Variants in HTR5A observed in about 807,000 individuals in gnomAD.
The protein encoded by HTR5A is 5-hydroxytryptamine receptor 5A.
HTR5A carries 21 observed loss-of-function variants against 24.3 expected under a neutral mutation model. That is an observed-to-expected ratio of 0.86 (90% CI 0.61 to 1.24). The LOEUF is 1.24. HTR5A is among the 50% of genes most tolerant of loss of function. The pLI, the probability that HTR5A is intolerant of heterozygous loss-of-function variation, is 0.00. For missense variants in HTR5A, 497 were observed against 489.5 expected, an observed-to-expected ratio of 1.02 and a Z score of -0.15; for synonymous variants, 260 against 213.7, an observed-to-expected ratio of 1.22 and a Z score of -1.89.
intron 1 of HTR5A, among the ~76,000 whole-genome samples, chr7:155,073,899 A>ATATGTATATATATACG (rs1563419668): frequency 1.3e-4 from 2 of 15,402 alleles, no homozygotes; most frequent in African/African-American, 1.5e-4. Flanking sequence ...GTATATATAT[A>ATATGTATATATATACG]TATATATATA....
At position 155,085,577 on chromosome 7, in the gene HTR5A, T is replaced by C. The variant is rs1795468127; in HGVS notation, c.*1090T>C. 1 of 152,106 alleles carries C rather than the reference T, an allele frequency of 6.6e-6. No homozygotes were observed. Among genetic ancestry groups the C allele is most frequent in the Non-Finnish European group, 1.5e-5 (1 of 68,016 alleles). 9.4% of individuals were successfully genotyped at this position (152,106 alleles called of 1,614,324 possible). ...GCCCCAGTCCTCTACAAATTGACAGTATAATTTATGAGGTGAGGCAGTTAA... is the reference window on the plus strand; with the variant it reads ...GCCCCAGTCCTCTACAAATTGACAGCATAATTTATGAGGTGAGGCAGTTAA... On this transcript the variant is annotated 3_prime_UTR_variant, in exon 2 of 2. Transcript: ENST00000287907.
Position 155,070,723 on chromosome 7 carries a change from A to T in HTR5A, c.-177A>T, listed in dbSNP as rs1795279223. The stretch of plus-strand genomic sequence containing the variant: ...GACCTGCCGCGCTTGCAGCCACACC[A>T]TCTCCAACGGATGCTCACTAGCAGG... On this transcript the variant is annotated 5_prime_UTR_variant, in exon 1 of 2. Coordinates refer to ENST00000287907, the MANE Select transcript of HTR5A (RefSeq NM_024012.4). 3 of 684,832 alleles carry T rather than the reference A, an allele frequency of 4.4e-6. No homozygotes were observed. The highest frequency in any genetic ancestry group is 7.5e-6 in the Non-Finnish European group (3 of 402,218). The allele number at this position is 684,832 out of a possible 1,614,324, so 42.4% of individuals were successfully genotyped here. A position where few individuals can be genotyped will look rare whatever the true frequency, so the allele number is the denominator to read the frequency against.
intron 1 of HTR5A, among the ~76,000 whole-genome samples, chr7:155,080,564 G>T (rs1016305058): frequency 6.6e-6 from 1 of 152,192 alleles, no homozygotes. Flanking sequence ...GTCCAGGGGC[G>T]ATGCCACTAC....
intron 1 of HTR5A, chr7:155,074,891 T>C (rs866214405): frequency 4.6e-5 from 7 of 152,180 alleles, no homozygotes; most frequent in African/African-American, 1.7e-4. Flanking sequence ...GATACGTAGA[T>C]GAATAGCATG....
Position 155,084,466 on chromosome 7 carries a change from C to T in HTR5A, c.1053C>T (p.Asn351=). 2 of 1,612,540 alleles carry T rather than the reference C, an allele frequency of 1.2e-6. No homozygotes were observed. Among genetic ancestry groups the T allele is most frequent in the Non-Finnish European group, 1.7e-6 (2 of 1,178,886 alleles). Residue 351 remains asparagine (N), a synonymous_variant, in exon 2 of 2, where the codon AAC becomes AAT. Coordinates refer to ENST00000287907, the MANE Select transcript of HTR5A (RefSeq NM_024012.4). ...FNKNYNSAFK[N]FFSRQH ...AGAACTACAACAGCGCCTTCAAGAA[C>T]TTCTTTTCTAGGCAACACTGAGGGA...
chr7:155,072,845 A>G (rs1193303490), intron 1 of HTR5A, among the ~76,000 whole-genome samples: 1 of 152,164 alleles, frequency 6.6e-6, no homozygotes, highest in Non-Finnish European at 1.5e-5. Flanking sequence ...ATCCCCAGTC[A>G]GTCAAACTTA....
chr7:155,087,179 C>T lies in HTR5A; in HGVS notation c.*2692C>T, dbSNP rs1426362475. On this transcript the variant is annotated 3_prime_UTR_variant, in exon 2 of 2. Coordinates refer to ENST00000287907, the MANE Select transcript of HTR5A (RefSeq NM_024012.4). ...TAGTGAAAGACAAGTGGAAGATGTC[C>T]CTGAGTCTGTATTGACATCAGACCA... Among the ~76,000 whole-genome samples the T allele has an allele frequency of 2.0e-5, 3 of 152,012 alleles. No homozygotes were observed. The highest frequency in any genetic ancestry group is 4.4e-5 in the Non-Finnish European group (3 of 67,992).
intron 1 of HTR5A, among the ~76,000 whole-genome samples, chr7:155,081,311 C>G (rs942301625): frequency 1.3e-5 from 2 of 152,096 alleles, no homozygotes; most frequent in South Asian, 2.1e-4. Flanking sequence ...CATTATTAGA[C>G]AGGCAAAGCA....
At chr7:155,076,271 T>C (rs1795358115) in intron 1 of HTR5A, among the ~76,000 whole-genome samples, 1 of 152,142 alleles carries the variant, frequency 6.6e-6, no homozygotes, top group South Asian at 2.1e-4. Context: ...TAGCATCAAG[T>C]CATCAAATAA....
At chr7:155,074,526 G>A (rs1409608587) in intron 1 of HTR5A, 1 of 152,102 alleles carries the variant, frequency 6.6e-6, no homozygotes, top group Non-Finnish European at 1.5e-5. Flanking sequence ...TTCCTCCAAT[G>A]CGTATTTACT....
chr7:155,087,046 A>G lies in HTR5A; in HGVS notation c.*2559A>G, dbSNP rs997846376. ...GTAGAATATGTCGAACAAAACGCAC[A>G]GTTCTGCCCTCCTGCCTAAAGACAA... is the stretch of plus-strand genomic sequence containing the variant. On this transcript the variant is annotated 3_prime_UTR_variant, in exon 2 of 2. Coordinates refer to ENST00000287907, the MANE Select transcript of HTR5A (RefSeq NM_024012.4). Among the ~76,000 whole-genome samples the G allele has an allele frequency of 6.6e-6, 1 of 152,112 alleles. No individual in the cohort carries two copies. The highest frequency in any genetic ancestry group is 1.5e-5 in the Non-Finnish European group (1 of 68,012).
chr7:155,074,099 T>C (rs1585120056), intron 1 of HTR5A, among the ~76,000 whole-genome samples: 1 of 151,854 alleles, frequency 6.6e-6, no homozygotes, highest in Non-Finnish European at 1.5e-5. Context: ...TCTGTGATAA[T>C]GGGAGTGGGT....
chr7:155,084,824 G>A lies in HTR5A; in HGVS notation c.*337G>A. On this transcript the variant is annotated 3_prime_UTR_variant, in exon 2 of 2. Coordinates refer to ENST00000287907, the MANE Select transcript of HTR5A (RefSeq NM_024012.4). ...AAGAAGTCAAGGCAAATAAGAAGGA[G>A]GAGGTAAAACAATATGGGCAGGTTG... The A allele has an allele frequency of 8.0e-6, 2 of 249,300 alleles. No individual in the cohort carries two copies. Among genetic ancestry groups the A allele is most frequent in the Non-Finnish European group, 7.6e-6 (1 of 131,248 alleles). 15.4% of individuals were successfully genotyped at this position (249,300 alleles called of 1,614,324 possible).
rs778025705 is a variant in HTR5A at position 155,071,262 on chromosome 7, C to A, written c.363C>A (p.Asp121Glu). 35 of 1,606,424 alleles carry A rather than the reference C, an allele frequency of 2.2e-5. No homozygotes were observed. The highest frequency in any genetic ancestry group is 3.0e-5 in the Non-Finnish European group (35 of 1,179,886). Residue 121 changes from aspartate to glutamate, a missense_variant, in exon 1 of 2, where the codon GAC (aspartate) becomes GAA (glutamate). Asp to Glu is a conservative substitution (Grantham distance 45, BLOSUM62 2). Coordinates refer to ENST00000287907, the MANE Select transcript of HTR5A (RefSeq NM_024012.4). ...TGTGCCAGCTTTGGATCGCGTGCGA[C>A]GTGCTTTGCTGCACGGCCAGCATCT... ...RRLCQLWIAC[D>E]VLCCTASIWN...
chr7:155,071,398 G>A lies in HTR5A; in HGVS notation c.499G>A (p.Ala167Thr), dbSNP rs909779420. The part of the protein sequence containing the change: ...VSNVMIALTW[A>T]LSAVISLAPL... ...CAACGTCATGATCGCGCTCACCTGG[G>A]CACTCTCCGCTGTCATCTCTCTGGC... Residue 167 changes from alanine to threonine, a missense_variant, in exon 1 of 2, where the codon GCA (alanine) becomes ACA (threonine). Ala to Thr is a moderately conservative substitution (Grantham distance 58). Coordinates refer to ENST00000287907, the MANE Select transcript of HTR5A (RefSeq NM_024012.4). The A allele has an allele frequency of 6.8e-6, 11 of 1,614,104 alleles. No individual in the cohort carries two copies. Among genetic ancestry groups the A allele is most frequent in the South Asian group, 4.4e-5 (4 of 91,090 alleles).
chr7:155,073,895 A>ATATATACGTG, intron 1 of HTR5A, among the ~76,000 whole-genome samples: 1 of 16,728 alleles, frequency 6.0e-5, no homozygotes, highest in African/African-American at 6.8e-5. Flanking sequence ...ATATGTATAT[A>ATATATACGTG]TATATATATA....
At chr7:155,079,305 T>C (rs951858034) in intron 1 of HTR5A, among the ~76,000 whole-genome samples, 4 of 152,224 alleles carry the variant, frequency 2.6e-5, no homozygotes, top group African/African-American at 9.6e-5. Flanking sequence ...TTTAATTAAA[T>C]TCTATAAATC....
chr7:155,075,577 C>A (rs1795351107), intron 1 of HTR5A, among the ~76,000 whole-genome samples: 1 of 152,202 alleles, frequency 6.6e-6, no homozygotes, highest in Non-Finnish European at 1.5e-5. Flanking sequence ...CAGCTTTGAT[C>A]AGGAAAGCAA....
Position 155,085,792 on chromosome 7 carries a change from A to T in HTR5A, c.*1305A>T, listed in dbSNP as rs766843517. ...TAGTATATTGTATATAATAAATTATATCAATTAAGAGTTCAAACATAGGAA... is the reference window on the plus strand; with the variant it reads ...TAGTATATTGTATATAATAAATTATTTCAATTAAGAGTTCAAACATAGGAA... On this transcript the variant is annotated 3_prime_UTR_variant, in exon 2 of 2. Transcript: ENST00000287907. 7 of 152,178 alleles carry T rather than the reference A, an allele frequency of 4.6e-5. No individual in the cohort carries two copies. Among genetic ancestry groups the T allele is most frequent in the Non-Finnish European group, 1.0e-4 (7 of 68,036 alleles). The allele number at this position is 152,178 out of a possible 1,614,324, so 9.4% of individuals were successfully genotyped here.
Sources: allele counts gnomAD v4.1 joint callset (sites outside exome capture counted in the v4.1 genomes callset), GRCh38; gene constraint gnomAD v4.1.1; transcripts MANE v1.5; gene names NCBI Gene and HGNC (gene_info 2026-07-23, HGNC 2026-07-21).